Variants in NCOA7 observed in about 807,000 individuals in gnomAD.
NCOA7 encodes 140 kDa estrogen receptor-associated protein.
A neutral mutation model predicts 104.3 loss-of-function variants in NCOA7; 45 were observed. The observed-to-expected ratio is 0.43, with a 90% CI of 0.34 to 0.55. The LOEUF (loss-of-function observed/expected upper bound fraction) is 0.55, where lower values mean the gene tolerates loss of function less well. NCOA7 is among the 20% of genes least tolerant of loss of function. The pLI is 0.02. For synonymous variants in NCOA7, 398 were observed against 402.3 expected (o/e 0.99, Z 0.13); for missense variants, 1,041 against 1,119.7 (o/e 0.93, Z 1.00).
intron 1 of NCOA7, among the ~76,000 whole-genome samples, chr6:125,801,714 T>C (rs2128554015): frequency 6.6e-6 from 1 of 152,294 alleles, no homozygotes; most frequent in Non-Finnish European, 1.5e-5. Flanking sequence ...TAGCTCCAAG[T>C]GTGGCCTGTG....
chr6:125,836,001 A>G (rs1206121912), intron 2 of NCOA7, among the ~76,000 whole-genome samples: 2 of 152,240 alleles, frequency 1.3e-5, no homozygotes, highest in Non-Finnish European at 2.9e-5. Context: ...TAACCTTTAA[A>G]GAACTTTCCT....
At chr6:125,791,269 G>A (rs1032899559) in intron 1 of NCOA7, among the ~76,000 whole-genome samples, 7 of 152,254 alleles carry the variant, frequency 4.6e-5, no homozygotes, top group Non-Finnish European at 7.3e-5. Context: ...CCGAGCGGGG[G>A]CGAAGGAGAG....
At chr6:125,854,523 A>C (rs1781392547) in intron 2 of NCOA7, among the ~76,000 whole-genome samples, 1 of 152,102 alleles carries the variant, frequency 6.6e-6, no homozygotes, top group Non-Finnish European at 1.5e-5. Context: ...GAAAAGAATT[A>C]CTCCTATGTG....
At chr6:125,920,341 C>T (rs1413928157) in intron 11 of NCOA7, among the ~76,000 whole-genome samples, 1 of 152,128 alleles carries the variant, frequency 6.6e-6, no homozygotes, top group Non-Finnish European at 1.5e-5. Flanking sequence ...CATCAGGAAC[C>T]TGATTAAAAA....
chr6:125,802,640 G>T (rs576723297), intron 1 of NCOA7, among the ~76,000 whole-genome samples: 3 of 152,318 alleles, frequency 2.0e-5, no homozygotes, highest in African/African-American at 7.2e-5. Context: ...GAGCTGCACA[G>T]CAAAGGGTAC....
intron 11 of NCOA7, among the ~76,000 whole-genome samples, chr6:125,916,374 G>A (rs143503750): frequency 7.2e-5 from 11 of 152,216 alleles, no homozygotes; most frequent in Admixed American, 3.3e-4. Flanking sequence ...GTGTGAAAAC[G>A]GACTAATACA....
intron 1 of NCOA7, among the ~76,000 whole-genome samples, chr6:125,783,851 T>A (rs895417823): frequency 6.6e-5 from 10 of 152,346 alleles, no homozygotes; most frequent in Middle Eastern, 3.4e-3. Context: ...AATTAATATC[T>A]TTTAGAGGGT....
intron 2 of NCOA7, among the ~76,000 whole-genome samples, chr6:125,825,862 A>C (rs1344787641): frequency 1.3e-5 from 2 of 152,172 alleles, no homozygotes; most frequent in Non-Finnish European, 2.9e-5. Flanking sequence ...TATAAACGAT[A>C]TTCTTATTTT....
At chr6:125,804,804 T>C (rs1381891336) in intron 1 of NCOA7, among the ~76,000 whole-genome samples, 1 of 152,084 alleles carries the variant, frequency 6.6e-6, no homozygotes, top group Non-Finnish European at 1.5e-5. Context: ...AAAGAAAAAT[T>C]CCAAATTCTG....
intron 3 of NCOA7, chr6:125,855,544 C>A (rs9491517): frequency 0.045 from 8,653 of 193,194 alleles, 495 homozygotes; most frequent in African/African-American, 0.15. Flanking sequence ...TGTATGTAGA[C>A]ATATTCATAA....
At position 125,889,252 on chromosome 6, in the gene NCOA7, G is replaced by T; in HGVS notation, c.1198G>T (p.Ala400Ser). ...CAAGGAACCTTCCGACACTTCTTCT[G>T]CATTTGAATCTACAGCCAAAGAAAA... ...LSKEPSDTSSAFESTAKENFL... is the reference protein window; with the variant it reads ...LSKEPSDTSSSFESTAKENFL... The change falls in exon 9 of 16, where the codon GCA becomes TCA. Residue 400 changes from alanine to serine, a missense_variant. By Grantham distance (99) the Ala-to-Ser change is moderately conservative. Transcript: ENST00000392477. 6.2e-7 allele frequency: 1 copy of T among 1,613,970 alleles called. No homozygotes were observed. Among genetic ancestry groups the T allele is most frequent in the South Asian group, 1.1e-5 (1 of 91,078 alleles).
chr6:125,857,356 A>C (rs1322326836), intron 3 of NCOA7, among the ~76,000 whole-genome samples: 1 of 151,310 alleles, frequency 6.6e-6, no homozygotes, highest in Non-Finnish European at 1.5e-5. Flanking sequence ...TTCTGCCTCA[A>C]CCTCGTGAGT....
chr6:125,840,692 A>AG (rs1780040593), intron 2 of NCOA7, among the ~76,000 whole-genome samples: 1 of 150,284 alleles, frequency 6.7e-6, no homozygotes, highest in Non-Finnish European at 1.5e-5. Context: ...TAAAAAAAAA[A>AG]GAAAATTGTA....
intron 2 of NCOA7, among the ~76,000 whole-genome samples, chr6:125,817,179 G>A (rs541380070): frequency 2.0e-5 from 3 of 152,172 alleles, no homozygotes; most frequent in Non-Finnish European, 4.4e-5. Flanking sequence ...CATTTAGGTT[G>A]TTTCCAGTTT....
intron 10 of NCOA7, among the ~76,000 whole-genome samples, chr6:125,904,035 CT>C (rs1412962781): frequency 2.0e-5 from 3 of 152,148 alleles, no homozygotes; most frequent in African/African-American, 7.2e-5. Flanking sequence ...ATATGTTCTT[CT>C]GCATACCCTC....
chr6:125,928,928 T>G lies in NCOA7; in HGVS notation c.*157T>G, dbSNP rs1788286238. 8 of 790,798 alleles carry G rather than the reference T, an allele frequency of 1.0e-5. No homozygotes were observed. In the South Asian group the frequency reaches 1.7e-4, roughly 17 times the overall value. 49.0% of individuals were successfully genotyped at this position (790,798 alleles called of 1,614,324 possible). A position where few individuals can be genotyped will look rare whatever the true frequency, so the allele number is the denominator to read the frequency against. On this transcript the variant is annotated 3_prime_UTR_variant, in exon 16 of 16. Transcript: ENST00000392477. ...AGAGCATGATCACATTGCAGAAAGA[T>G]TCTGGAAGGTCCATGTAGAGGGCAG... is the stretch of plus-strand genomic sequence containing the variant.
At position 125,791,493 on chromosome 6, in the gene NCOA7, A is replaced by AT. The variant is rs542635468; in HGVS notation, c.-65+428dup. On this transcript the variant is annotated intron_variant, in intron 1 of 15. Coordinates refer to ENST00000392477, the MANE Select transcript of NCOA7 (RefSeq NM_181782.5). ...AAAACATGTAGACAGGCAAAGGGTT[A>AT]TTAGTGGCATGTAGAAGTCGCTGTG... Among the ~76,000 whole-genome samples, 14 of 152,360 alleles carry AT rather than the reference A, an allele frequency of 9.2e-5. No individual in the cohort carries two copies. In the East Asian group the frequency reaches 2.7e-3, roughly 29 times the overall value.
chr6:125,849,273 G>A (rs1252987278), intron 2 of NCOA7, among the ~76,000 whole-genome samples: 2 of 152,146 alleles, frequency 1.3e-5, no homozygotes, highest in Non-Finnish European at 2.9e-5. Context: ...TAGGGAAAAA[G>A]TGAAGTATGT....
chr6:125,822,895 A>G (rs146614240), intron 2 of NCOA7, among the ~76,000 whole-genome samples: 1 of 151,192 alleles, frequency 6.6e-6, no homozygotes, highest in African/African-American at 2.4e-5. Flanking sequence ...AGATTGCTCT[A>G]CTGCCCTCCA....
Sources: gnomAD v4.1 joint callset for allele counts (sites outside exome capture counted in the v4.1 genomes callset) on GRCh38, gnomAD v4.1.1 for gene constraint, MANE v1.5 for transcripts, NCBI Gene and HGNC (gene_info 2026-07-23, HGNC 2026-07-21) for gene names.